Variants in SAMD12 observed in about 807,000 individuals in gnomAD.
The protein encoded by SAMD12 is sterile alpha motif domain containing 12, also known as sterile alpha motif domain-containing protein 12.
SAMD12 carries 9 observed loss-of-function variants against 15.0 expected under a neutral mutation model. The ratio of observed to expected loss-of-function variants is 0.60; its 90% CI spans 0.36 to 1.05. SAMD12 has a LOEUF of 1.05. SAMD12 is among the 50% of genes least tolerant of loss of function. SAMD12 has a pLI of 0.01. For synonymous variants in SAMD12, 86 were observed against 90.1 expected, an observed-to-expected ratio of 0.96 and a Z score of 0.25; for missense variants, 230 against 234.2, an observed-to-expected ratio of 0.98 and a Z score of 0.12.
rs551167811 is a variant in SAMD12 at position 118,517,438 on chromosome 8, G to A, written c.192+63277C>T. On this transcript the variant is annotated intron_variant, in intron 2 of 3. Transcript: ENST00000314727. ...AGCTGGAGATTGGTTTAAAGGTTAC[G>A]ATACAATAGTTCTAACAATAGTTCT... is the stretch of plus-strand genomic sequence containing the variant. 2.0e-5 allele frequency among the ~76,000 whole-genome samples: 3 copies of A among 152,268 alleles called. No individual in the cohort carries two copies. The South Asian group carries it at 6.2e-4, about 32-fold the overall frequency.
In SAMD12 at chr8:118,455,643, AC is replaced by A. The variant is rs1412066972; in HGVS notation, c.193-15683del. Reference sequence around the variant, plus strand: ...TCTCTTTAATTCCCTCTCCATCTTTACCAGCTGCCTACTCGATATCCCACTT... The same window carrying A: ...TCTCTTTAATTCCCTCTCCATCTTTACAGCTGCCTACTCGATATCCCACTT... On this transcript the variant is annotated intron_variant, in intron 2 of 3. Coordinates refer to ENST00000314727, the MANE Select transcript of SAMD12 (RefSeq NM_207506.3). Among the ~76,000 whole-genome samples, 2 of 152,230 alleles carry A rather than the reference AC, an allele frequency of 1.3e-5. 1 individual carries two copies. Among genetic ancestry groups the A allele is most frequent in the East Asian group, 3.9e-4 (2 of 5,168 alleles).
At chr8:118,199,703 T>TA (rs1819658594) in intron 4 of SAMD12, among the ~76,000 whole-genome samples, 2 of 152,142 alleles carry the variant, frequency 1.3e-5, no homozygotes, top group South Asian at 4.1e-4. Context: ...CTTAGGATAT[T>TA]AAAAAAGCAC....
intron 2 of SAMD12, among the ~76,000 whole-genome samples, chr8:118,559,105 A>C (rs893910786): frequency 2.0e-5 from 3 of 152,234 alleles, no homozygotes; most frequent in Non-Finnish European, 4.4e-5. Context: ...CATCTGTCCC[A>C]AGGCTATCAC....
chr8:118,529,445 G>A (rs947527145), intron 2 of SAMD12, among the ~76,000 whole-genome samples: 1 of 152,124 alleles, frequency 6.6e-6, no homozygotes, highest in African/African-American at 2.4e-5. Flanking sequence ...TTGTTACATG[G>A]ATATATTGCA....
chr8:118,175,046 AAC>A, the SAMD12 span, among the ~76,000 whole-genome samples: 2 of 148,484 alleles, frequency 1.3e-5, no homozygotes, highest in Admixed American at 6.7e-5. Context: ...AAAAAAAAAA[AAC>A]AAAAAAAACA....
chr8:118,379,815 AT>A, intron 3 of SAMD12, 115 bp from the exon 4 acceptor site: 1 of 1,290,070 alleles, frequency 7.8e-7, no homozygotes, highest in Non-Finnish European at 1.1e-6. Context: ...AAACACAGAC[AT>A]TTTAGAATAA....
intron 1 of SAMD12, among the ~76,000 whole-genome samples, chr8:118,585,564 G>C (rs1046836005): frequency 6.6e-6 from 1 of 152,028 alleles, no homozygotes; most frequent in African/African-American, 2.4e-5. Context: ...TTTATTCAAA[G>C]GTTTGAGAGT....
At chr8:118,409,012 T>G (rs1256104712) in intron 3 of SAMD12, among the ~76,000 whole-genome samples, 1 of 151,976 alleles carries the variant, frequency 6.6e-6, no homozygotes, top group Non-Finnish European at 1.5e-5. Flanking sequence ...AATTCTCCAG[T>G]CTCAGCCTCC....
At chr8:118,309,378 A>ATG (rs1360473888) in intron 4 of SAMD12, among the ~76,000 whole-genome samples, 145 of 118,344 alleles carry the variant, frequency 1.2e-3, no homozygotes, top group Middle Eastern at 3.8e-3. Context: ...TTTGAGATAT[A>ATG]TATGTGTGTG....
At chr8:118,344,903 A>G (rs141052144) in intron 4 of SAMD12, among the ~76,000 whole-genome samples, 2,102 of 152,318 alleles carry the variant, frequency 0.014, 31 homozygotes, top group Non-Finnish European at 0.021. Flanking sequence ...TAGTAACATC[A>G]TCACCATTGT....
chr8:118,345,992 G>C (rs1199995445), intron 4 of SAMD12, among the ~76,000 whole-genome samples: 2 of 152,192 alleles, frequency 1.3e-5, no homozygotes, highest in African/African-American at 4.8e-5. Flanking sequence ...TCTCCATTTG[G>C]CTTGTCCTGC....
intron 4 of SAMD12, among the ~76,000 whole-genome samples, chr8:118,220,287 T>A (rs1490672149): frequency 6.6e-6 from 1 of 152,246 alleles, no homozygotes; most frequent in Non-Finnish European, 1.5e-5. Flanking sequence ...GCTGGGTTAT[T>A]TTTTAAATTT....
At chr8:118,566,211 T>A (rs929680827) in intron 2 of SAMD12, among the ~76,000 whole-genome samples, 1 of 152,188 alleles carries the variant, frequency 6.6e-6, no homozygotes, top group African/African-American at 2.4e-5. Context: ...GTAGGCTATA[T>A]CCTTTCCTAC....
chr8:118,298,823 C>G (rs1486830365), intron 4 of SAMD12, among the ~76,000 whole-genome samples: 1 of 152,064 alleles, frequency 6.6e-6, no homozygotes, highest in Non-Finnish European at 1.5e-5. Context: ...CAATAAATAA[C>G]TATAAATTGA....
intron 2 of SAMD12, among the ~76,000 whole-genome samples, chr8:118,521,512 C>T (rs765005484): frequency 6.6e-6 from 1 of 152,186 alleles, no homozygotes; most frequent in Admixed American, 6.5e-5. Flanking sequence ...ACCTTTCACA[C>T]TACTTCCATA....
At chr8:118,241,555 C>A (rs2514974) in intron 4 of SAMD12, among the ~76,000 whole-genome samples, 18,504 of 152,012 alleles carry the variant, frequency 0.12, 1,677 homozygotes, top group East Asian at 0.47. Flanking sequence ...ATGATTATAC[C>A]TTTTTGGAAA....
intron 4 of SAMD12, among the ~76,000 whole-genome samples, chr8:118,319,458 A>G (rs1816115223): frequency 6.6e-6 from 1 of 152,178 alleles, no homozygotes; most frequent in Non-Finnish European, 1.5e-5. Flanking sequence ...CTCCACTCTG[A>G]GAAGGAGAGG....
intron 1 of SAMD12, among the ~76,000 whole-genome samples, chr8:118,586,734 C>T (rs1315662023): frequency 3.9e-5 from 6 of 151,992 alleles, no homozygotes; most frequent in Non-Finnish European, 7.4e-5. Flanking sequence ...GACTAGGAGC[C>T]CCCAGAAGAA....
intron 4 of SAMD12, among the ~76,000 whole-genome samples, chr8:118,199,440 C>T (rs1475210987): frequency 1.3e-5 from 2 of 152,200 alleles, no homozygotes; most frequent in Admixed American, 6.5e-5. Flanking sequence ...AGGAACTTGA[C>T]ACAGTGTACC....
Sources: gnomAD v4.1 joint callset for allele counts (sites outside exome capture counted in the v4.1 genomes callset) on GRCh38, gnomAD v4.1.1 for gene constraint, MANE v1.5 for transcripts, NCBI Gene and HGNC (gene_info 2026-07-23, HGNC 2026-07-21) for gene names.